Variants in C19orf38 observed in about 807,000 individuals in gnomAD.
C19orf38 encodes chromosome 19 open reading frame 38, also known as protein HIDE1.
Under a neutral mutation model 26.6 loss-of-function variants are expected in C19orf38, and 14 were observed. That is an observed-to-expected ratio of 0.53 (90% CI 0.35 to 0.82). The LOEUF is 0.82. Among genes scored for constraint, C19orf38 ranks in the 40% least tolerant of loss-of-function variants. The probability of loss-of-function intolerance (pLI) is 0.01; values close to 1 mark genes in which losing one functional copy is unlikely to be tolerated. For synonymous variants in C19orf38, 132 were observed against 128.5 expected (o/e 1.03, Z -0.18); for missense variants, 261 against 299.5 (o/e 0.87, Z 0.95).
At chr19:10,844,847 CA>C (rs36112084), upstream of C19orf38, among the ~76,000 whole-genome samples, 4,029 of 63,398 alleles carry the variant, frequency 0.064, 76 homozygotes, top group Non-Finnish European at 0.087. Flanking sequence ...GATTCCATCT[CA>C]AAAAAAAAAA....
At chr19:10,867,352 G>A (rs2073761849) in intron 6 of C19orf38, among the ~76,000 whole-genome samples, 1 of 150,418 alleles carries the variant, frequency 6.6e-6, no homozygotes, top group East Asian at 2.0e-4. Flanking sequence ...TGCCTATAAT[G>A]CCAGCACTTT....
intron 6 of C19orf38, among the ~76,000 whole-genome samples, chr19:10,866,642 C>T (rs1314903508): frequency 1.3e-5 from 2 of 151,582 alleles, no homozygotes; most frequent in South Asian, 2.1e-4. Flanking sequence ...CATGCCACCG[C>T]GGCTGGCTAA....
chr19:10,840,152 T>C (rs969277815), intron 1 of C19orf38, among the ~76,000 whole-genome samples: 5 of 152,224 alleles, frequency 3.3e-5, no homozygotes, highest in African/African-American at 1.2e-4. Context: ...CTTTGGGGTA[T>C]AGATCTCGTG....
intron 6 of C19orf38, among the ~76,000 whole-genome samples, chr19:10,866,552 G>C (rs1378435682): frequency 1.3e-5 from 2 of 151,602 alleles, no homozygotes; most frequent in Non-Finnish European, 2.9e-5. Flanking sequence ...CTGGAGTGCA[G>C]TGGTACGATC....
intron 2 of C19orf38, among the ~76,000 whole-genome samples, chr19:10,853,327 C>G (rs889295022): frequency 6.6e-6 from 1 of 151,936 alleles, no homozygotes. Flanking sequence ...CTCCGAGGTT[C>G]AAGCAATTCT....
At chr19:10,857,364 ATATT>A (rs1289550662) in intron 3 of C19orf38, among the ~76,000 whole-genome samples, 37 of 78,166 alleles carry the variant, frequency 4.7e-4, no homozygotes, top group Non-Finnish European at 6.8e-4. Context: ...ATATATATAT[ATATT>A]TTTTTTTTTT....
At chr19:10,865,215 G>A (rs2073739940) in intron 6 of C19orf38, among the ~76,000 whole-genome samples, 1 of 151,974 alleles carries the variant, frequency 6.6e-6, no homozygotes, top group African/African-American at 2.4e-5. Flanking sequence ...GCAGTGGCTT[G>A]ATCTCACTGC....
At chr19:10,842,998 A>G (rs577021536) in intron 1 of C19orf38, among the ~76,000 whole-genome samples, 26 of 152,258 alleles carry the variant, frequency 1.7e-4, no homozygotes, top group Admixed American at 9.2e-4. Context: ...TGGGAGGAGA[A>G]TTTTTTTGAG....
intron 2 of C19orf38, among the ~76,000 whole-genome samples, chr19:10,853,916 T>TA (rs1421285717): frequency 6.6e-6 from 1 of 150,518 alleles, no homozygotes; most frequent in Non-Finnish European, 1.5e-5. Flanking sequence ...TTTTTTTTTT[T>TA]TTAATTAGGA....
intron 6 of C19orf38, among the ~76,000 whole-genome samples, chr19:10,863,562 G>A (rs2073724268): frequency 6.6e-6 from 1 of 152,156 alleles, no homozygotes; most frequent in Non-Finnish European, 1.5e-5. Context: ...GCCTCTCATA[G>A]AGGCTTGTGA....
In C19orf38 at chr19:10,859,946, T is replaced by C. The variant is rs747583625; in HGVS notation, c.493T>C (p.Phe165Leu). ...DRESCWAQIN[F>L]DSTDMSFDNS... Reference sequence around the variant, plus strand: ...AGAATCCTGCTGGGCCCAGATTAACTTCGACAGCACAGGTCTGTGCCTCCA... The same window carrying C: ...AGAATCCTGCTGGGCCCAGATTAACCTCGACAGCACAGGTCTGTGCCTCCA... The change falls in exon 5 of 7, where the codon TTC (phenylalanine) becomes CTC (leucine). Residue 165 changes from phenylalanine (F) to leucine (L), a missense_variant. By Grantham distance (22) the Phe-to-Leu change is conservative. Transcript: ENST00000397820. The C allele has an allele frequency of 6.4e-7, 1 of 1,551,888 alleles. No individual in the cohort carries two copies. The highest frequency in any genetic ancestry group is 1.2e-5 in the South Asian group (1 of 84,048).
At chr19:10,863,134 C>A in intron 5 of C19orf38, 36 bp from the exon 6 acceptor site, 4 of 1,547,212 alleles carry the variant, frequency 2.6e-6, no homozygotes, top group Non-Finnish European at 3.5e-6. Context: ...TACAACTGGC[C>A]CCCAATCCTG....
chr19:10,856,427 A>G, intron 3 of C19orf38, 70 bp downstream of exon 3: 1 of 1,192,436 alleles, frequency 8.4e-7, no homozygotes, highest in Non-Finnish European at 1.2e-6. Flanking sequence ...ATGTGCTTAC[A>G]CTCACAACTC....
chr19:10,840,915 G>A (rs193242284), intron 1 of C19orf38, among the ~76,000 whole-genome samples: 6 of 152,320 alleles, frequency 3.9e-5, no homozygotes, highest in Admixed American at 6.5e-5. Context: ...GATTACAGGC[G>A]TGGGCCACTG....
chr19:10,869,337 C>G lies in C19orf38; in HGVS notation c.663C>G (p.Pro221=). The G allele has an allele frequency of 1.3e-6, 2 of 1,551,308 alleles. No individual in the cohort carries two copies. The highest frequency in any genetic ancestry group is 1.7e-6 in the Non-Finnish European group (2 of 1,146,872). The change falls in exon 7 of 7, where the codon CCC becomes CCG. Residue 221 remains proline (P), a synonymous_variant. Transcript: ENST00000397820. The stretch of plus-strand genomic sequence containing the variant: ...CCACGTCCTCCTCGCCTGAGACCCC[C>G]GAATTCAGCACTTTCCGGGCCTGCC... The part of the protein sequence containing the change: ...PTSTSSSPET[P]EFSTFRACQ
intron 1 of C19orf38, among the ~76,000 whole-genome samples, chr19:10,841,472 C>T (rs953182089): frequency 5.3e-5 from 8 of 151,448 alleles, no homozygotes; most frequent in Non-Finnish European, 8.8e-5. Context: ...GACAGTGAGA[C>T]CCTGTCTCAT....
chr19:10,842,495 C>T (rs576062246), intron 1 of C19orf38, among the ~76,000 whole-genome samples: 5 of 152,090 alleles, frequency 3.3e-5, no homozygotes, highest in South Asian at 2.1e-4. Context: ...CTCCTGACCT[C>T]GTGATCCGTC....
chr19:10,861,009 G>A (rs2073692802), intron 5 of C19orf38, among the ~76,000 whole-genome samples: 1 of 151,870 alleles, frequency 6.6e-6, no homozygotes, highest in South Asian at 2.1e-4. Context: ...TGGGCATGGT[G>A]GCGTGTTCCT....
chr19:10,858,372 G>A, intron 4 of C19orf38, 29 bp downstream of exon 4: 1 of 1,538,106 alleles, frequency 6.5e-7, no homozygotes, highest in Non-Finnish European at 8.8e-7. Context: ...ACCCACAGAG[G>A]GTGGTTTGGG....
Sources: allele counts gnomAD v4.1 joint callset (sites outside exome capture counted in the v4.1 genomes callset), GRCh38; gene constraint gnomAD v4.1.1; transcripts MANE v1.5; gene names NCBI Gene and HGNC (gene_info 2026-07-23, HGNC 2026-07-21).